PTPRM: variants seen among roughly 807,000 people sequenced by gnomAD.
PTPRM encodes protein tyrosine phosphatase receptor type M, also known as receptor-type tyrosine-protein phosphatase mu.
In PTPRM, 47 loss-of-function variants were observed where a neutral mutation model predicts 186.7. The observed-to-expected ratio is 0.25, with a 90% CI of 0.20 to 0.32. The LOEUF (loss-of-function observed/expected upper bound fraction) is 0.32. Among genes scored for constraint, PTPRM ranks in the 10% least tolerant of loss-of-function variants. PTPRM has a pLI of 1.00. For missense variants in PTPRM, 1,494 were observed against 1,865.0 expected (o/e 0.80, Z 3.66); for synonymous variants, 668 against 674.9 (o/e 0.99, Z 0.16).
chr18:8,290,316 C>A (rs79702133), intron 19 of PTPRM, among the ~76,000 whole-genome samples: 16,917 of 152,176 alleles, frequency 0.11, 1,001 homozygotes, highest in South Asian at 0.17. Flanking sequence ...TGACTCTGCA[C>A]TGCCTGAAAA....
At chr18:7,911,349 T>C (rs1244792230) in intron 4 of PTPRM, among the ~76,000 whole-genome samples, 2 of 152,240 alleles carry the variant, frequency 1.3e-5, no homozygotes, top group Non-Finnish European at 1.5e-5. Context: ...TGCACCATTT[T>C]CCATTTCAAA....
chr18:7,996,798 C>CAA (rs202230386), intron 7 of PTPRM, among the ~76,000 whole-genome samples: 120 of 117,596 alleles, frequency 1.0e-3, no homozygotes, highest in Middle Eastern at 4.3e-3. Flanking sequence ...CAGTAGTTAC[C>CAA]AAAAAAAAAA....
At chr18:7,756,542 CA>C (rs2041500852) in intron 1 of PTPRM, among the ~76,000 whole-genome samples, 1 of 152,152 alleles carries the variant, frequency 6.6e-6, no homozygotes, top group Non-Finnish European at 1.5e-5. Context: ...GTTGAGATGT[CA>C]GTGCTGTTTG....
intron 7 of PTPRM, among the ~76,000 whole-genome samples, chr18:8,004,549 C>T (rs1017769852): frequency 1.3e-5 from 2 of 151,710 alleles, no homozygotes; most frequent in Non-Finnish European, 2.9e-5. Context: ...TTACTTGCAG[C>T]CCCCAGTAAT....
At chr18:7,922,100 A>C (rs1220759244) in intron 4 of PTPRM, among the ~76,000 whole-genome samples, 1 of 152,068 alleles carries the variant, frequency 6.6e-6, no homozygotes, top group Non-Finnish European at 1.5e-5. Flanking sequence ...AATTTTTGGC[A>C]CTAGATGACA....
intron 18 of PTPRM, 107 bp downstream of exon 18, chr18:8,252,606 C>A: frequency 9.2e-7 from 1 of 1,091,944 alleles, no homozygotes; most frequent in Non-Finnish European, 1.4e-6. Context: ...TGCTGGCCTG[C>A]ATGTTTGCCT....
intron 19 of PTPRM, among the ~76,000 whole-genome samples, chr18:8,256,677 CTT>C (rs1225393572): frequency 6.6e-6 from 1 of 152,184 alleles, no homozygotes; most frequent in Non-Finnish European, 1.5e-5. Context: ...GGCTGGATAA[CTT>C]TCTTACCATG....
chr18:7,717,248 C>G (rs186154645), intron 1 of PTPRM, among the ~76,000 whole-genome samples: 228 of 152,212 alleles, frequency 1.5e-3, no homozygotes, highest in African/African-American at 5.2e-3. Flanking sequence ...GGCCCCACCC[C>G]ACCCCATCCT....
chr18:8,043,955 T>TTG (rs1436279587), intron 7 of PTPRM, among the ~76,000 whole-genome samples: 1 of 152,170 alleles, frequency 6.6e-6, no homozygotes, highest in African/African-American at 2.4e-5. Context: ...TTTCTACTCT[T>TTG]TGGCAGAGAC....
intron 1 of PTPRM, among the ~76,000 whole-genome samples, chr18:7,754,054 T>C (rs1294046306): frequency 2.0e-5 from 3 of 152,222 alleles, no homozygotes. Context: ...TATTGTGTTT[T>C]ATTTTTCAAA....
intron 20 of PTPRM, among the ~76,000 whole-genome samples, chr18:8,301,943 A>G (rs911761134): frequency 2.0e-5 from 3 of 152,180 alleles, no homozygotes; most frequent in African/African-American, 7.2e-5. Flanking sequence ...GTGGCCGCCC[A>G]GGTGGCCGGT....
At chr18:8,208,061 CAG>C (rs1265314150) in intron 14 of PTPRM, among the ~76,000 whole-genome samples, 2 of 152,206 alleles carry the variant, frequency 1.3e-5, no homozygotes, top group African/African-American at 4.8e-5. Flanking sequence ...AGGAAATGAG[CAG>C]AGTCTAGAAC....
intron 22 of PTPRM, among the ~76,000 whole-genome samples, chr18:8,323,657 T>C (rs1452675486): frequency 1.3e-5 from 2 of 152,136 alleles, no homozygotes; most frequent in Non-Finnish European, 2.9e-5. Flanking sequence ...TCTTGCCATA[T>C]ATAGTTTCTT....
intron 1 of PTPRM, among the ~76,000 whole-genome samples, chr18:7,690,858 C>A (rs1157127037): frequency 2.0e-5 from 3 of 152,078 alleles, no homozygotes; most frequent in Non-Finnish European, 4.4e-5. Context: ...TCAGGGCAGG[C>A]CTTCTTCAAG....
intron 23 of PTPRM, among the ~76,000 whole-genome samples, chr18:8,344,156 T>C (rs369383584): frequency 3.9e-5 from 6 of 152,154 alleles, no homozygotes; most frequent in African/African-American, 7.2e-5. Flanking sequence ...AGCGTGCAGT[T>C]GCCTTTTTTA....
intron 14 of PTPRM, among the ~76,000 whole-genome samples, chr18:8,145,667 G>T (rs1009724197): frequency 6.6e-6 from 1 of 152,150 alleles, no homozygotes; most frequent in African/African-American, 2.4e-5. Context: ...CTTTTTTATG[G>T]CTGCATAGTA....
chr18:7,735,607 G>A (rs2040752881), intron 1 of PTPRM, among the ~76,000 whole-genome samples: 2 of 151,856 alleles, frequency 1.3e-5, no homozygotes, highest in Admixed American at 1.3e-4. Flanking sequence ...TAAAAAATTT[G>A]CCATATTTTG....
intron 13 of PTPRM, chr18:8,122,310 C>G (rs990496106): frequency 2.0e-5 from 3 of 152,660 alleles, no homozygotes; most frequent in African/African-American, 4.8e-5. Context: ...CGACGGCCAA[C>G]TAACAGGTCA....
intron 20 of PTPRM, 125 bp downstream of exon 20, chr18:8,296,580 T>G (rs2095099376): frequency 1.5e-6 from 1 of 654,026 alleles, no homozygotes; most frequent in African/African-American, 1.8e-5. Flanking sequence ...CTAGAACAGC[T>G]GGTGTTAACG....
Sources: allele counts gnomAD v4.1 joint callset (sites outside exome capture counted in the v4.1 genomes callset), GRCh38; gene constraint gnomAD v4.1.1; transcripts MANE v1.5; gene names NCBI Gene and HGNC (gene_info 2026-07-23, HGNC 2026-07-21).